GDAP1L1: variants seen among roughly 807,000 people sequenced by gnomAD.
GDAP1L1 encodes ganglioside-induced differentiation-associated protein 1-like 1.
In GDAP1L1, 21 loss-of-function variants were observed where a neutral mutation model predicts 37.1. That is an observed-to-expected ratio of 0.57 (90% CI 0.40 to 0.81). The LOEUF (loss-of-function observed/expected upper bound fraction) is 0.81. GDAP1L1 is among the 40% of genes least tolerant of loss of function. The pLI is 0.00. For missense variants in GDAP1L1, 362 were observed against 491.6 expected (o/e 0.74, Z 2.49); for synonymous variants, 193 against 209.1 (o/e 0.92, Z 0.67).
At chr20:44,256,699 G>A (rs979672740) in intron 1 of GDAP1L1, among the ~76,000 whole-genome samples, 1 of 151,894 alleles carries the variant, frequency 6.6e-6, no homozygotes, top group African/African-American at 2.4e-5. Context: ...TGAATTTCCT[G>A]GCCAGATCTA....
At chr20:44,272,833 T>C (rs1026687493) in intron 5 of GDAP1L1, among the ~76,000 whole-genome samples, 1 of 152,264 alleles carries the variant, frequency 6.6e-6, no homozygotes, top group African/African-American at 2.4e-5. Flanking sequence ...TGCACTCACA[T>C]GTGTGGTAAT....
chr20:44,278,069 G>A lies in GDAP1L1; in HGVS notation c.761-888G>A, dbSNP rs182082554. Reference sequence around the variant, plus strand: ...TTAGGGAGGCTGAAGCGGGAGAATTGCTTGAACCTGGGAGGTAGAAGTTGC... The same window carrying A: ...TTAGGGAGGCTGAAGCGGGAGAATTACTTGAACCTGGGAGGTAGAAGTTGC... On this transcript the variant is annotated intron_variant, in intron 5 of 5. Coordinates refer to ENST00000342560, the MANE Select transcript of GDAP1L1 (RefSeq NM_024034.6). 9.3e-5 allele frequency among the ~76,000 whole-genome samples: 14 copies of A among 150,372 alleles called. No homozygotes were observed. In the East Asian group the frequency reaches 2.8e-3, roughly 30 times the overall value.
intron 5 of GDAP1L1, among the ~76,000 whole-genome samples, chr20:44,272,283 C>A (rs1276275510): frequency 2.0e-5 from 3 of 152,134 alleles, no homozygotes; most frequent in Admixed American, 1.3e-4. Context: ...TGCATTGGTC[C>A]GCATCAGCAG....
chr20:44,263,721 G>A (rs567204300), intron 4 of GDAP1L1, among the ~76,000 whole-genome samples: 9 of 152,312 alleles, frequency 5.9e-5, no homozygotes, highest in African/African-American at 1.7e-4. Context: ...GCGGATGCCT[G>A]TAGTCCCAGT....
chr20:44,261,425 G>A (rs1161547270), intron 3 of GDAP1L1, among the ~76,000 whole-genome samples: 1 of 152,200 alleles, frequency 6.6e-6, no homozygotes, highest in East Asian at 1.9e-4. Context: ...AGTAGGTGGT[G>A]AAATCTCAGA....
At chr20:44,265,501 C>T in intron 5 of GDAP1L1, 1 of 984,142 alleles carries the variant, frequency 1.0e-6, no homozygotes, top group Non-Finnish European at 1.2e-6. Context: ...CCGTAGAGCC[C>T]AGGGTCTAAA....
chr20:44,270,861 C>T (rs2062507849), intron 5 of GDAP1L1, among the ~76,000 whole-genome samples: 1 of 152,176 alleles, frequency 6.6e-6, no homozygotes, highest in South Asian at 2.1e-4. Context: ...TCACTCTGCC[C>T]CATCATTCAT....
intron 1 of GDAP1L1, 152 bp downstream of exon 1, chr20:44,247,666 C>T (rs75172958): frequency 0.02 from 13,453 of 672,912 alleles, 221 homozygotes; most frequent in Admixed American, 0.043. Flanking sequence ...GGGTTCCTTC[C>T]AGGACTGCTC....
At chr20:44,252,087 A>G (rs2073455896) in intron 1 of GDAP1L1, among the ~76,000 whole-genome samples, 1 of 152,240 alleles carries the variant, frequency 6.6e-6, no homozygotes, top group South Asian at 2.1e-4. Context: ...GCCTACATTC[A>G]TAATTGAAGA....
chr20:44,257,046 C>T (rs904796544), intron 1 of GDAP1L1, 107 bp from the exon 2 acceptor site: 26 of 1,180,486 alleles, frequency 2.2e-5, no homozygotes, highest in Admixed American at 7.7e-5. Context: ...ATCGTGTCCC[C>T]TCCTGTGTGT....
At chr20:44,267,434 A>G (rs1013814567) in intron 5 of GDAP1L1, among the ~76,000 whole-genome samples, 11 of 151,898 alleles carry the variant, frequency 7.2e-5, no homozygotes, top group Admixed American at 5.2e-4. Context: ...ACATGGTGAA[A>G]CCCTATCTCT....
intron 2 of GDAP1L1, among the ~76,000 whole-genome samples, chr20:44,257,611 C>A (rs115185833): frequency 0.019 from 2,904 of 151,806 alleles, 108 homozygotes; most frequent in African/African-American, 0.066. Flanking sequence ...GACACCCCCC[C>A]ACCAGGAGCA....
intron 1 of GDAP1L1, among the ~76,000 whole-genome samples, chr20:44,250,128 T>C (rs113951329): frequency 5.3e-5 from 8 of 152,294 alleles, no homozygotes; most frequent in African/African-American, 1.9e-4. Flanking sequence ...ACATGAAATA[T>C]GAATGGAAAA....
chr20:44,258,536 A>G lies in GDAP1L1; in HGVS notation c.476A>G (p.His159Arg). ...LDALPMDAYT[H>R]GCILHPELTT... ...GCACTGCCCATGGATGCCTACACGCATGGCTGCATCCTGCATCCCGAGCTC... is the reference window on the plus strand; with the variant it reads ...GCACTGCCCATGGATGCCTACACGCGTGGCTGCATCCTGCATCCCGAGCTC... The change falls in exon 3 of 6, where the codon CAT becomes CGT. Residue 159 changes from histidine to arginine, a missense_variant. Physicochemically the swap from His to Arg is conservative, Grantham distance 29. Transcript: ENST00000342560. The G allele has an allele frequency of 6.3e-7, 1 of 1,585,376 alleles. No individual in the cohort carries two copies. Among genetic ancestry groups the G allele is most frequent in the Non-Finnish European group, 8.6e-7 (1 of 1,166,556 alleles).
chr20:44,257,219 G>C lies in GDAP1L1; in HGVS notation c.247G>C (p.Glu83Gln). 6.2e-7 allele frequency: 1 copy of C among 1,612,214 alleles called. No individual in the cohort carries two copies. The highest frequency in any genetic ancestry group is 8.5e-7 in the Non-Finnish European group (1 of 1,179,338). The change falls in exon 2 of 6, where the codon GAG becomes CAG. Residue 83 changes from glutamate to glutamine, a missense_variant. Glu to Gln is a conservative substitution (Grantham distance 29). Transcript: ENST00000342560. ...GCGGGACGTGAGCCTGCCACAGAGC[G>C]AGCACAAGGAGCCCTGGTTCATGCG... ...EERDVSLPQSEHKEPWFMRLN... is the reference protein window; with the variant it reads ...EERDVSLPQSQHKEPWFMRLN...
intron 3 of GDAP1L1, among the ~76,000 whole-genome samples, chr20:44,262,195 GC>G (rs1222120436): frequency 1.3e-5 from 2 of 152,104 alleles, no homozygotes; most frequent in East Asian, 3.9e-4. Context: ...GGGGAGAAGG[GC>G]CTGTAAGGGA....
rs532442666 is a variant in GDAP1L1, at chr20:44,272,428, G to A, written c.761-6529G>A. ...GGAAAGGATGTGAGAAGGGTGAGAAGAGAGGATGAAAAGATGCAATTGTCT... is the reference window on the plus strand; with the variant it reads ...GGAAAGGATGTGAGAAGGGTGAGAAAAGAGGATGAAAAGATGCAATTGTCT... On this transcript the variant is annotated intron_variant, in intron 5 of 5. Transcript: ENST00000342560. Among the ~76,000 whole-genome samples the A allele has an allele frequency of 2.0e-4, 30 of 152,312 alleles. 1 individual carries two copies. The East Asian group carries it at 3.3e-3, about 17-fold the overall frequency.
chr20:44,259,484 G>T (rs1369409601), intron 3 of GDAP1L1, among the ~76,000 whole-genome samples: 1 of 148,390 alleles, frequency 6.7e-6, no homozygotes, highest in African/African-American at 2.5e-5. Context: ...CATTGAACAA[G>T]ACTCAGAATT....
chr20:44,252,670 A>G (rs2073467570), intron 1 of GDAP1L1, among the ~76,000 whole-genome samples: 1 of 152,000 alleles, frequency 6.6e-6, no homozygotes, highest in Non-Finnish European at 1.5e-5. Flanking sequence ...ACAAAAAACA[A>G]AAGTTAGCTA....
Sources: allele counts gnomAD v4.1 joint callset (sites outside exome capture counted in the v4.1 genomes callset), GRCh38; gene constraint gnomAD v4.1.1; transcripts MANE v1.5; gene names NCBI Gene and HGNC (gene_info 2026-07-23, HGNC 2026-07-21).